ZZEF1: variants seen among roughly 807,000 people sequenced by gnomAD.
The protein encoded by ZZEF1 is zinc finger ZZ-type and EF-hand domain containing 1.
ZZEF1 carries 157 observed loss-of-function variants against 342.8 expected under a neutral mutation model. The ratio of observed to expected loss-of-function variants is 0.46; its 90% CI spans 0.40 to 0.52. The LOEUF (loss-of-function observed/expected upper bound fraction) is 0.52. Among genes scored for constraint, ZZEF1 ranks in the 20% least tolerant of loss-of-function variants. ZZEF1 has a pLI of 0.00. For synonymous variants in ZZEF1, 1,505 were observed against 1,429.1 expected (o/e 1.05, Z -1.20); for missense variants, 3,480 against 3,725.6 (o/e 0.93, Z 1.72).
At chr17:4,038,841 A>C (rs2056734690) in intron 39 of ZZEF1, among the ~76,000 whole-genome samples, 2 of 151,722 alleles carry the variant, frequency 1.3e-5, no homozygotes, top group South Asian at 4.2e-4. Context: ...ACAAACAAAA[A>C]ACCACCACCA....
intron 21 of ZZEF1, chr17:4,075,956 G>A (rs888723449): frequency 1.3e-5 from 2 of 151,442 alleles, no homozygotes; most frequent in Admixed American, 6.7e-5. Flanking sequence ...GTGATTAAAC[G>A]TTATGTATGT....
intron 16 of ZZEF1, among the ~76,000 whole-genome samples, chr17:4,083,657 A>C (rs1172444515): frequency 1.2e-5 from 1 of 85,176 alleles, no homozygotes; most frequent in Non-Finnish European, 2.4e-5. Context: ...TTTTTTTTTG[A>C]GACGGAATCT....
chr17:4,057,881 A>G, intron 32 of ZZEF1, 113 bp downstream of exon 32: 1 of 1,138,330 alleles, frequency 8.8e-7, no homozygotes, highest in Non-Finnish European at 1.2e-6. Context: ...GGCAAAGCCA[A>G]GATATGACAC....
At chr17:4,057,674 G>A (rs1010681603) in intron 32 of ZZEF1, among the ~76,000 whole-genome samples, 1 of 152,208 alleles carries the variant, frequency 6.6e-6, no homozygotes, top group African/African-American at 2.4e-5. Context: ...CGGCCTCAGA[G>A]CTCACGAGTT....
At chr17:4,097,687 TTCTA>T (rs770597887) in intron 9 of ZZEF1, among the ~76,000 whole-genome samples, 11 of 152,056 alleles carry the variant, frequency 7.2e-5, no homozygotes, top group Non-Finnish European at 1.3e-4. Flanking sequence ...CTGACCAACA[TTCTA>T]TCTATTTGTA....
rs148569857 is a variant in ZZEF1, at chr17:4,098,588, C to T, written c.1673-1888G>A. Among the ~76,000 whole-genome samples the T allele has an allele frequency of 1.7e-4, 26 of 152,290 alleles. No individual in the cohort carries two copies. The East Asian group carries it at 5.0e-3, about 29-fold the overall frequency. On this transcript the variant is annotated intron_variant, in intron 9 of 54. Transcript: ENST00000381638. ...AAGGTTGCCTTTCTCTTTCAAACGT[C>T]TCTAAATGATATAACTCAGCAATAA... is the stretch of plus-strand genomic sequence containing the variant.
intron 18 of ZZEF1, among the ~76,000 whole-genome samples, chr17:4,078,465 T>C (rs1378949852): frequency 1.3e-5 from 2 of 152,210 alleles, no homozygotes; most frequent in East Asian, 3.8e-4. Context: ...TGAAGGGTTA[T>C]CTGACCTCCA....
chr17:4,117,385 C>T (rs1005016897), intron 2 of ZZEF1, among the ~76,000 whole-genome samples: 3 of 152,162 alleles, frequency 2.0e-5, no homozygotes, highest in African/African-American at 7.2e-5. Context: ...GTGGCTCACG[C>T]CTGTAATCCC....
At chr17:4,068,600 T>A (rs1597843165) in intron 26 of ZZEF1, among the ~76,000 whole-genome samples, 2 of 152,192 alleles carry the variant, frequency 1.3e-5, no homozygotes, top group African/African-American at 4.8e-5. Context: ...ACAAAAAAAA[T>A]TTTTAAAGAA....
chr17:4,060,038 C>A (rs1195372796), intron 30 of ZZEF1, among the ~76,000 whole-genome samples: 1 of 152,250 alleles, frequency 6.6e-6, no homozygotes, highest in East Asian at 1.9e-4. Flanking sequence ...AGCTTAGATT[C>A]CATGGCCCAT....
Position 4,117,142 on chromosome 17 carries a change from G to A in ZZEF1, c.524C>T (p.Ser175Leu), listed in dbSNP as rs370899607. The A allele has an allele frequency of 1.8e-4, 287 of 1,613,086 alleles. 6 individuals carry two copies. The East Asian group carries it at 2.0e-3, about 11-fold the overall frequency. ...CGAGTGAATATCAAGGCCCTCCTTC[G>A]ACTCTGAAAATATGTCTGTGAAACC... ...VPGFTDIFSE[S>L]KEGLDIHSSM... Residue 175 changes from serine (S) to leucine (L), a missense_variant, in exon 3 of 55, where the codon TCG becomes TTG. Ser to Leu is a moderately radical substitution (Grantham distance 145). Around this residue, in one of 5 missense-constraint regions of ZZEF1, gnomAD observed 416 missense variants for 374.2 expected, o/e 1.11. Transcript: ENST00000381638.
intron 1 of ZZEF1, among the ~76,000 whole-genome samples, chr17:4,126,184 A>G (rs2058569682): frequency 6.7e-6 from 1 of 149,060 alleles, no homozygotes; most frequent in African/African-American, 2.5e-5. Context: ...GAGATCACAC[A>G]CTGCACTCCA....
intron 1 of ZZEF1, among the ~76,000 whole-genome samples, chr17:4,140,539 T>C (rs144981555): frequency 2.0e-5 from 3 of 152,218 alleles, no homozygotes; most frequent in Admixed American, 6.5e-5. Flanking sequence ...AGCAAGTATC[T>C]GCTTTGTCCA....
chr17:4,031,434 T>C lies in ZZEF1; in HGVS notation c.6892+692A>G, dbSNP rs559783138. 7.9e-5 allele frequency among the ~76,000 whole-genome samples: 12 copies of C among 152,286 alleles called. No homozygotes were observed. In the South Asian group the frequency reaches 1.2e-3, roughly 16 times the overall value. ...ATAATAGAATCCATAAATAGACAGATACATGTGTGTCAATTTTCGACAAGA... is the reference window on the plus strand; with the variant it reads ...ATAATAGAATCCATAAATAGACAGACACATGTGTGTCAATTTTCGACAAGA... On this transcript the variant is annotated intron_variant, in intron 42 of 54. Coordinates refer to ENST00000381638, the MANE Select transcript of ZZEF1 (RefSeq NM_015113.4).
Position 4,016,788 on chromosome 17 carries a change from A to C in ZZEF1, c.8002-322T>G. The C allele has an allele frequency of 3.8e-6, 1 of 264,834 alleles. No homozygotes were observed. Among genetic ancestry groups the C allele is most frequent in the Non-Finnish European group, 7.2e-6 (1 of 139,028 alleles). 16.4% of individuals were successfully genotyped at this position (264,834 alleles called of 1,614,324 possible). ...AGGTGGATTGGCCTATGGATAAATA[A>C]TGACCACACAATGTAATCGATGCCT... On this transcript the variant is annotated intron_variant, in intron 48 of 54. Transcript: ENST00000381638. This position sits in a 1 kb window ranked among gnomAD's most constrained non-coding sequence, Gnocchi z 4.4.
At chr17:4,109,959 A>C in intron 5 of ZZEF1, 96 bp from the exon 6 acceptor site, 1 of 1,174,156 alleles carries the variant, frequency 8.5e-7, no homozygotes, top group Non-Finnish European at 1.2e-6. Flanking sequence ...GACATTTTGA[A>C]AAGAAAATTC....
At chr17:4,116,593 T>A (rs1242862351) in intron 3 of ZZEF1, among the ~76,000 whole-genome samples, 1 of 152,190 alleles carries the variant, frequency 6.6e-6, no homozygotes, top group Non-Finnish European at 1.5e-5. Flanking sequence ...ACAGGCACAG[T>A]GCAGGAATGA....
intron 9 of ZZEF1, among the ~76,000 whole-genome samples, chr17:4,099,681 G>A (rs528220469): frequency 6.6e-6 from 1 of 152,118 alleles, no homozygotes; most frequent in Admixed American, 6.5e-5. Context: ...AAGTAGCTGG[G>A]ACTACAAGTG....
chr17:4,059,322 A>G (rs1257918713), intron 30 of ZZEF1, 32 bp from the exon 31 acceptor site: 2 of 1,583,788 alleles, frequency 1.3e-6, no homozygotes, highest in Admixed American at 4.1e-5. Context: ...GATTCACTTA[A>G]TTGCCAGAAC....
Sources: gnomAD v4.1 joint callset for allele counts (sites outside exome capture counted in the v4.1 genomes callset) on GRCh38, gnomAD v4.1.1 for gene constraint, gnomAD v4.1.1 regional missense constraint, Gnocchi (gnomAD v3.1) non-coding constraint, MANE v1.5 for transcripts, NCBI Gene and HGNC (gene_info 2026-07-23, HGNC 2026-07-21) for gene names.